SCARF1: variants seen among roughly 807,000 people sequenced by gnomAD.
The protein encoded by SCARF1 is acetyl LDL receptor.
SCARF1 carries 49 observed loss-of-function variants against 76.3 expected under a neutral mutation model. That is an observed-to-expected ratio of 0.64 (90% CI 0.51 to 0.81). SCARF1 has a LOEUF of 0.81. Ranked by LOEUF, SCARF1 falls within the 40% of genes least tolerant of loss-of-function variation. The pLI, the probability that SCARF1 is intolerant of heterozygous loss-of-function variation, is 0.00. For missense variants in SCARF1, 1,098 were observed against 1,143.9 expected, an observed-to-expected ratio of 0.96 and a Z score of 0.58; for synonymous variants, 495 against 474.6, an observed-to-expected ratio of 1.04 and a Z score of -0.56.
At chr17:1,641,941 C>T (rs929342509) in intron 4 of SCARF1, among the ~76,000 whole-genome samples, 18 of 151,990 alleles carry the variant, frequency 1.2e-4, no homozygotes, top group Non-Finnish European at 1.5e-4. Flanking sequence ...AGGCTGGTCT[C>T]GAACTCCTGA....
chr17:1,635,617 C>A lies in SCARF1; in HGVS notation c.1634G>T (p.Gly545Val). Residue 545 changes from glycine (G) to valine (V), a missense_variant and splice_region_variant, in exon 11 of 11, where the codon GGG (glycine) becomes GTG (valine). Transcript: ENST00000263071. The part of the protein sequence containing the change: ...VPAYCVPPQE[G>V]MVPVAQAGSS... ...CCCTGCCTGGGCCACAGGGACCATCCCTGGCAGAGGAGACAGAAGAGCTTG... is the reference window on the plus strand; with the variant it reads ...CCCTGCCTGGGCCACAGGGACCATCACTGGCAGAGGAGACAGAAGAGCTTG... The A allele has an allele frequency of 6.3e-7, 1 of 1,598,808 alleles. No individual in the cohort carries two copies. The highest frequency in any genetic ancestry group is 8.5e-7 in the Non-Finnish European group (1 of 1,178,802).
rs1909305216 is a variant in SCARF1, at chr17:1,634,080, A to C, written c.*678T>G. On this transcript the variant is annotated 3_prime_UTR_variant, in exon 11 of 11. Coordinates refer to ENST00000263071, the MANE Select transcript of SCARF1 (RefSeq NM_003693.4). ...CTTTCCCTTGAATCTGTTTTTATAC[A>C]CATACATCCTTTTTAAAAAGTTCAT... is the stretch of plus-strand genomic sequence containing the variant. 6.6e-6 allele frequency: 1 copy of C among 152,308 alleles called. No homozygotes were observed. Among genetic ancestry groups the C allele is most frequent in the African/African-American group, 2.4e-5 (1 of 41,466 alleles). 9.4% of individuals were successfully genotyped at this position (152,308 alleles called of 1,614,324 possible).
Position 1,645,383 on chromosome 17 carries a change from C to CA in SCARF1, c.102-145dup. On this transcript the variant is annotated intron_variant, in intron 1 of 10. Transcript: ENST00000263071. The surrounding 1 kb of genome is among the most constrained non-coding windows in gnomAD (Gnocchi z 6.3). ...AATGGATCTTTACAGCTAGGGTCCCCAGCCCCTCCCCTCTCCTTCCCTGAC... is the reference window on the plus strand; with the variant it reads ...AATGGATCTTTACAGCTAGGGTCCCCAAGCCCCTCCCCTCTCCTTCCCTGAC... The CA allele has an allele frequency of 7.2e-7, 1 of 1,394,364 alleles. No individual in the cohort carries two copies. The highest frequency in any genetic ancestry group is 9.7e-7 in the Non-Finnish European group (1 of 1,028,268). The allele number at this position is 1,394,364 out of a possible 1,614,324, so 86.4% of individuals were successfully genotyped here. A position where few individuals can be genotyped will look rare whatever the true frequency, so the allele number is the denominator to read the frequency against.
At position 1,640,707 on chromosome 17, in the gene SCARF1, G is replaced by A; in HGVS notation, c.792-41C>T. On this transcript the variant is annotated intron_variant, in intron 4 of 10. Transcript: ENST00000263071. This position sits in a 1 kb window ranked among gnomAD's most constrained non-coding sequence, Gnocchi z 4.7. The stretch of plus-strand genomic sequence containing the variant: ...CTTCGTGGGAACAGTGGGGGTGGAT[G>A]GATGGAGCGCCCACCCCCTCCTACC... The A allele has an allele frequency of 1.3e-6, 2 of 1,566,312 alleles. No individual in the cohort carries two copies. The highest frequency in any genetic ancestry group is 1.7e-6 in the Non-Finnish European group (2 of 1,146,962).
chr17:1,641,177 G>A (rs1910023293), intron 4 of SCARF1, among the ~76,000 whole-genome samples: 1 of 152,214 alleles, frequency 6.6e-6, no homozygotes, highest in Admixed American at 6.5e-5. Context: ...TTAGGAACTG[G>A]GCGACAGCGT....
chr17:1,639,508 G>C (rs1199563185), intron 7 of SCARF1, 131 bp downstream of exon 7: 3 of 631,308 alleles, frequency 4.8e-6, no homozygotes, highest in Admixed American at 5.8e-5. Context: ...TCGTCTTAAG[G>C]GAAAAAAAAA....
chr17:1,645,268 A>G lies in SCARF1; in HGVS notation c.102-29T>C, dbSNP rs1449578318. ...TGGGGCAAAAAGGGGTCAGCCGGAC[A>G]TGGTGGGGGGTGCAGCCTGGCCCTG... is the stretch of plus-strand genomic sequence containing the variant. On this transcript the variant is annotated intron_variant, in intron 1 of 10. Transcript: ENST00000263071. This position sits in a 1 kb window ranked among gnomAD's most constrained non-coding sequence, Gnocchi z 6.3. The G allele has an allele frequency of 6.2e-7, 1 of 1,610,832 alleles. No homozygotes were observed. The highest frequency in any genetic ancestry group is 8.5e-7 in the Non-Finnish European group (1 of 1,179,416).
chr17:1,636,186 C>T (rs1909542658), intron 10 of SCARF1, among the ~76,000 whole-genome samples: 1 of 152,214 alleles, frequency 6.6e-6, no homozygotes, highest in African/African-American at 2.4e-5. Context: ...TGAGTCCCTA[C>T]TTGTATGTCC....
chr17:1,634,376 G>T lies in SCARF1; in HGVS notation c.*382C>A, dbSNP rs991384325. 9.8e-5 allele frequency: 36 copies of T among 366,842 alleles called. No homozygotes were observed. The highest frequency in any genetic ancestry group is 5.7e-4 in the African/African-American group (26 of 45,440). 22.7% of individuals were successfully genotyped at this position (366,842 alleles called of 1,614,324 possible). A position where few individuals can be genotyped will look rare whatever the true frequency, so the allele number is the denominator to read the frequency against. ...TGCACTCCAGCCTGGGGGACAGAGG[G>T]AGATTCTGTCTCAAAAAAAAAAAAA... On this transcript the variant is annotated 3_prime_UTR_variant, in exon 11 of 11. Transcript: ENST00000263071.
chr17:1,639,642 G>A lies in SCARF1; in HGVS notation c.1240C>T (p.Pro414Ser), dbSNP rs1032565387. The A allele has an allele frequency of 3.8e-6, 6 of 1,562,122 alleles. No individual in the cohort carries two copies. In the Admixed American group the frequency reaches 1.2e-4, roughly 30 times the overall value. Residue 414 changes from proline (P) to serine (S), a missense_variant, in exon 7 of 11, where the codon CCA (proline) becomes TCA (serine). By Grantham distance (74) the Pro-to-Ser change is moderately conservative. Coordinates refer to ENST00000263071, the MANE Select transcript of SCARF1 (RefSeq NM_003693.4). Reference protein sequence around the residue: ...LCHPVSGSCQPGSGSRDTALI... With the variant: ...LCHPVSGSCQSGSGSRDTALI... ...CCGCAGCCTTCTTCCACCTTACCTG[G>A]CTGGCAGGACCCAGAGACAGGGTGG...
Position 1,641,790 on chromosome 17 carries a change from T to C in SCARF1, c.792-1124A>G, listed in dbSNP as rs540560085. On this transcript the variant is annotated intron_variant, in intron 4 of 10. Coordinates refer to ENST00000263071, the MANE Select transcript of SCARF1 (RefSeq NM_003693.4). Reference sequence around the variant, plus strand: ...AGGCTGGCGTGCAGTGGCGCGATCTTGGCTCACTGCAACCTCCGCCTCCCG... The same window carrying C: ...AGGCTGGCGTGCAGTGGCGCGATCTCGGCTCACTGCAACCTCCGCCTCCCG... Among the ~76,000 whole-genome samples, 3 of 152,286 alleles carry C rather than the reference T, an allele frequency of 2.0e-5. No individual in the cohort carries two copies. In the East Asian group the frequency reaches 5.8e-4, roughly 29 times the overall value.
Position 1,636,753 on chromosome 17 carries a change from C to G in SCARF1, c.1589G>C (p.Gly530Ala). The change falls in exon 10 of 11, where the codon GGA becomes GCA. Residue 530 changes from glycine to alanine, a missense_variant. Coordinates refer to ENST00000263071, the MANE Select transcript of SCARF1 (RefSeq NM_003693.4). ...DDSFSSDPES[G>A]EADEVPAYCV... ...GTAGGCAGGAACCTCATCTGCCTCT[C>G]CAGACTCAGGATCGGATGAGAAGGA... 4.3e-6 allele frequency: 7 copies of G among 1,614,112 alleles called. No individual in the cohort carries two copies. The highest frequency in any genetic ancestry group is 5.9e-6 in the Non-Finnish European group (7 of 1,180,030).
intron 4 of SCARF1, among the ~76,000 whole-genome samples, chr17:1,641,796 A>T (rs1400585502): frequency 6.6e-6 from 1 of 152,166 alleles, no homozygotes; most frequent in Non-Finnish European, 1.5e-5. Flanking sequence ...ATCTTGGCTC[A>T]CTGCAACCTC....
intron 4 of SCARF1, among the ~76,000 whole-genome samples, chr17:1,641,728 A>G (rs1054594416): frequency 6.6e-6 from 1 of 151,986 alleles, no homozygotes; most frequent in African/African-American, 2.4e-5. Context: ...TTATTTTATT[A>G]TTATTTTCTT....
At chr17:1,642,093 C>T (rs1910096797) in intron 4 of SCARF1, among the ~76,000 whole-genome samples, 1 of 152,110 alleles carries the variant, frequency 6.6e-6, no homozygotes, top group Non-Finnish European at 1.5e-5. Flanking sequence ...AGGGACCTTG[C>T]TCAGGACCCT....
intron 4 of SCARF1, 51 bp downstream of exon 4, chr17:1,643,391 T>A: frequency 4.8e-6 from 3 of 620,274 alleles, no homozygotes; most frequent in Non-Finnish European, 5.9e-6. Flanking sequence ...CCTGCTCACT[T>A]GTGTCCGCCC....
At chr17:1,641,174 C>A (rs1910023128) in intron 4 of SCARF1, among the ~76,000 whole-genome samples, 1 of 152,242 alleles carries the variant, frequency 6.6e-6, no homozygotes, top group African/African-American at 2.4e-5. Flanking sequence ...ATGTTAGGAA[C>A]TGGGCGACAG....
chr17:1,634,658 C>T lies in SCARF1; in HGVS notation c.*100G>A, dbSNP rs916809382. 1.4e-6 allele frequency: 2 copies of T among 1,449,474 alleles called. No individual in the cohort carries two copies. The highest frequency in any genetic ancestry group is 1.8e-4 in the Middle Eastern group (1 of 5,454). The allele number at this position is 1,449,474 out of a possible 1,614,324, so 89.8% of individuals were successfully genotyped here. A position where few individuals can be genotyped will look rare whatever the true frequency, so the allele number is the denominator to read the frequency against. ...AAGCCTTGCCTTTTCCCTGTGGAGG[C>T]GCAGAGGCTCTGGTTTGTCTGTCCT... is the stretch of plus-strand genomic sequence containing the variant. On this transcript the variant is annotated 3_prime_UTR_variant, in exon 11 of 11. Transcript: ENST00000263071.
At chr17:1,642,687 G>A (rs1910149126) in intron 4 of SCARF1, among the ~76,000 whole-genome samples, 1 of 152,074 alleles carries the variant, frequency 6.6e-6, no homozygotes, top group South Asian at 2.1e-4. Flanking sequence ...GCTGGACCTG[G>A]GGCAACAAAG....
Sources: gnomAD v4.1 joint callset for allele counts (sites outside exome capture counted in the v4.1 genomes callset) on GRCh38, gnomAD v4.1.1 for gene constraint, Gnocchi (gnomAD v3.1) non-coding constraint, MANE v1.5 for transcripts, NCBI Gene and HGNC (gene_info 2026-07-23, HGNC 2026-07-21) for gene names.